ANO6: variants seen among roughly 807,000 people sequenced by gnomAD.
The protein encoded by ANO6 is anoctamin 6.
In ANO6, 106 loss-of-function variants were observed where a neutral mutation model predicts 117.5. The observed-to-expected ratio is 0.90, with a 90% CI of 0.77 to 1.06. ANO6 has a LOEUF of 1.06. Among genes scored for constraint, ANO6 ranks in the 50% least tolerant of loss-of-function variants. The pLI is 0.00. For missense variants in ANO6, 955 were observed against 1,121.1 expected (o/e 0.85, Z 2.12); for synonymous variants, 367 against 385.1 (o/e 0.95, Z 0.55).
chr12:45,332,583 T>G (rs372716093), intron 3 of ANO6, among the ~76,000 whole-genome samples: 46 of 152,162 alleles, frequency 3.0e-4, no homozygotes, highest in African/African-American at 9.9e-4. Context: ...TTGGAGTAAT[T>G]CTAGTTGTAA....
chr12:45,418,947 G>A (rs1943283715), intron 17 of ANO6, among the ~76,000 whole-genome samples: 1 of 152,160 alleles, frequency 6.6e-6, no homozygotes, highest in Non-Finnish European at 1.5e-5. Flanking sequence ...GTTTATATGT[G>A]TGCTTGTGCA....
Position 45,431,683 on chromosome 12 carries a change from G to A in ANO6, c.*2372G>A. 1 of 985,466 alleles carries A rather than the reference G, an allele frequency of 1.0e-6. No individual in the cohort carries two copies. Among genetic ancestry groups the A allele is most frequent in the African/African-American group, 1.7e-5 (1 of 57,366 alleles). 61.0% of individuals were successfully genotyped at this position (985,466 alleles called of 1,614,324 possible). A position where few individuals can be genotyped will look rare whatever the true frequency, so the allele number is the denominator to read the frequency against. ...TTAGTGAGTCCACGGCTGACTTGCA[G>A]TGATAAAGAAAAGCATGGAGCTGTG... On this transcript the variant is annotated 3_prime_UTR_variant, in exon 20 of 20. Coordinates refer to ENST00000320560, the MANE Select transcript of ANO6 (RefSeq NM_001025356.3).
chr12:45,298,358 T>G (rs936650520), intron 1 of ANO6, among the ~76,000 whole-genome samples: 1 of 152,192 alleles, frequency 6.6e-6, no homozygotes, highest in African/African-American at 2.4e-5. Context: ...ATATTTGCCT[T>G]TTTAGAATTT....
At chr12:45,412,606 C>G (rs1943114149) in intron 16 of ANO6, among the ~76,000 whole-genome samples, 2 of 152,218 alleles carry the variant, frequency 1.3e-5, no homozygotes, top group Non-Finnish European at 2.9e-5. Context: ...AGCCCATCAC[C>G]TGCCATGAAG....
In ANO6 at chr12:45,424,327, G is replaced by GTTTTTTTTTT. The variant is rs66945216; in HGVS notation, c.2526+1284_2526+1293dup. Among the ~76,000 whole-genome samples, 133 of 81,270 alleles carry GTTTTTTTTTT rather than the reference G, an allele frequency of 1.6e-3. 19 individuals carry two copies. The highest frequency in any genetic ancestry group is 6.4e-3 in the African/African-American group (130 of 20,280). 53.3% of individuals were successfully genotyped at this position (81,270 alleles called of 152,430 possible). A position where few individuals can be genotyped will look rare whatever the true frequency, so the allele number is the denominator to read the frequency against. The stretch of plus-strand genomic sequence containing the variant: ...AGAGAGAGGGAAAACTAGGTGATGG[G>GTTTTTTTTTT]TTTTTTTTTTTTTTTTTTTTTTTTT... On this transcript the variant is annotated intron_variant, in intron 19 of 19. Coordinates refer to ENST00000320560, the MANE Select transcript of ANO6 (RefSeq NM_001025356.3).
chr12:45,401,955 G>A lies in ANO6; in HGVS notation c.1547G>A (p.Ser516Asn), dbSNP rs1942802090. ...TATSITASII[S>N]FIIIMILNTI... Reference sequence around the variant, plus strand: ...ACGTCCATCACGGCCTCCATCATCAGCTTTATAATTATCATGATTCTGAAC... The same window carrying A: ...ACGTCCATCACGGCCTCCATCATCAACTTTATAATTATCATGATTCTGAAC... The change falls in exon 13 of 20, where the codon AGC (serine) becomes AAC (asparagine). Residue 516 changes from serine to asparagine, a missense_variant. By Grantham distance (46) the Ser-to-Asn change is conservative. Transcript: ENST00000320560. 1 of 1,613,952 alleles carries A rather than the reference G, an allele frequency of 6.2e-7. No homozygotes were observed.
intron 9 of ANO6, among the ~76,000 whole-genome samples, chr12:45,377,300 A>T (rs1048520797): frequency 2.0e-5 from 3 of 152,214 alleles, no homozygotes; most frequent in African/African-American, 7.2e-5. Flanking sequence ...TTAGTAACGA[A>T]TTAAAATATT....
At chr12:45,227,859 G>GAAAAAAAAAAAAAAAAAAAAAAAAA (rs1947508847) in intron 1 of ANO6, among the ~76,000 whole-genome samples, 1 of 152,190 alleles carries the variant, frequency 6.6e-6, no homozygotes, top group Non-Finnish European at 1.5e-5. Context: ...AAAGGTGGTT[G>GAAAAAAAAAAAAAAAAAAAAAAAAA]AAGAATTGCA....
At chr12:45,262,689 G>T (rs1938080494) in intron 1 of ANO6, among the ~76,000 whole-genome samples, 1 of 152,190 alleles carries the variant, frequency 6.6e-6, no homozygotes, top group African/African-American at 2.4e-5. Context: ...CTCCCAGAGT[G>T]CTGGGATTAC....
At chr12:45,433,581 G>A (rs184416990), downstream of ANO6, among the ~76,000 whole-genome samples, 9 of 152,312 alleles carry the variant, frequency 5.9e-5, no homozygotes, top group African/African-American at 2.2e-4. Context: ...GGAACCTGTG[G>A]AGAACTTCAG....
intron 2 of ANO6, among the ~76,000 whole-genome samples, chr12:45,320,770 T>A (rs145521237): frequency 0.053 from 8,089 of 152,218 alleles, 512 homozygotes; most frequent in East Asian, 0.34. Context: ...TTTGTAGGTC[T>A]CTAAGGACTT....
chr12:45,329,802 C>T (rs1171512380), intron 2 of ANO6, among the ~76,000 whole-genome samples: 1 of 151,894 alleles, frequency 6.6e-6, no homozygotes, highest in Non-Finnish European at 1.5e-5. Flanking sequence ...TAGCAATAGC[C>T]CTGGTTGTCA....
At chr12:45,236,839 C>T (rs1947653124) in intron 1 of ANO6, among the ~76,000 whole-genome samples, 1 of 152,230 alleles carries the variant, frequency 6.6e-6, no homozygotes, top group African/African-American at 2.4e-5. Context: ...ATTTTCACTC[C>T]CACCAACAGT....
chr12:45,405,248 C>T (rs11183015), intron 15 of ANO6, among the ~76,000 whole-genome samples: 3,979 of 152,126 alleles, frequency 0.026, 74 homozygotes, highest in Non-Finnish European at 0.04. Context: ...AAGTCTTAAT[C>T]CATTCTGAGA....
At chr12:45,247,562 C>T (rs1947844267) in intron 1 of ANO6, among the ~76,000 whole-genome samples, 1 of 152,202 alleles carries the variant, frequency 6.6e-6, no homozygotes, top group Non-Finnish European at 1.5e-5. Context: ...TCTGCCATAA[C>T]AATGTACCAC....
At chr12:45,271,043 T>A (rs991219739) in intron 1 of ANO6, among the ~76,000 whole-genome samples, 2 of 152,190 alleles carry the variant, frequency 1.3e-5, no homozygotes, top group Non-Finnish European at 2.9e-5. Context: ...CTTACCTGTC[T>A]ATGGCTCACT....
At chr12:45,400,180 C>G (rs1440303181) in intron 12 of ANO6, among the ~76,000 whole-genome samples, 15 of 152,152 alleles carry the variant, frequency 9.9e-5, no homozygotes, top group Admixed American at 9.8e-4. Flanking sequence ...ATTATACTAC[C>G]TTCCTCACAA....
At chr12:45,233,227 T>C (rs1236138705) in intron 1 of ANO6, among the ~76,000 whole-genome samples, 1 of 152,150 alleles carries the variant, frequency 6.6e-6, no homozygotes, top group African/African-American at 2.4e-5. Context: ...CTCTCAATAT[T>C]TGTTGCCCAT....
chr12:45,374,043 TACAA>T (rs1941929780), intron 9 of ANO6, among the ~76,000 whole-genome samples: 1 of 151,690 alleles, frequency 6.6e-6, no homozygotes, highest in Non-Finnish European at 1.5e-5. Context: ...CCCACAGAAA[TACAA>T]ACTACCATCA....
Sources: allele counts gnomAD v4.1 joint callset (sites outside exome capture counted in the v4.1 genomes callset), GRCh38; gene constraint gnomAD v4.1.1; transcripts MANE v1.5; gene names NCBI Gene and HGNC (gene_info 2026-07-23, HGNC 2026-07-21).